The following RBFOX1 variants were observed in gnomAD, a reference collection of about 807,000 sequenced individuals.
RBFOX1 encodes RNA binding protein fox-1 homolog 1.
Under a neutral mutation model 57.7 loss-of-function variants are expected in RBFOX1, and 8 were observed. The observed-to-expected ratio is 0.14, with a 90% confidence interval of 0.08 to 0.25. The LOEUF (loss-of-function observed/expected upper bound fraction) is 0.25, where lower values mean the gene tolerates loss of function less well. Among genes scored for constraint, RBFOX1 ranks in the 10% least tolerant of loss-of-function variants. The pLI, the probability that RBFOX1 is intolerant of heterozygous loss-of-function variation, is 1.00. For missense variants in RBFOX1, 611 were observed against 548.5 expected, an observed-to-expected ratio of 1.11 and a Z score of -1.14; for synonymous variants, 326 against 222.4, an observed-to-expected ratio of 1.47 and a Z score of -4.15.
intron 1 of RBFOX1, among the ~76,000 whole-genome samples, chr16:5,385,226 C>T (rs1159642027): frequency 2.6e-5 from 4 of 152,168 alleles, no homozygotes; most frequent in African/African-American, 9.7e-5. Context: ...AGTGGCAAGG[C>T]CAGGATTAAA....
chr16:6,807,512 C>T (rs1264427954), intron 3 of RBFOX1, among the ~76,000 whole-genome samples: 2 of 151,984 alleles, frequency 1.3e-5, no homozygotes, highest in African/African-American at 2.4e-5. Context: ...TTTGCTTGTC[C>T]TATGATATTA....
intron 3 of RBFOX1, chr16:6,873,767 CTTAA>C (rs765809896): frequency 2.6e-5 from 4 of 152,126 alleles, no homozygotes; most frequent in Non-Finnish European, 5.9e-5. Context: ...TGTTATCTTG[CTTAA>C]TTATTGCAGC....
chr16:7,213,216 C>T (rs969400879), intron 4 of RBFOX1, among the ~76,000 whole-genome samples: 1 of 152,120 alleles, frequency 6.6e-6, no homozygotes, highest in Non-Finnish European at 1.5e-5. Context: ...ATATCTGGGG[C>T]AGAAAAACAA....
chr16:6,749,294 C>T (rs990800918), intron 3 of RBFOX1, among the ~76,000 whole-genome samples: 4 of 152,108 alleles, frequency 2.6e-5, no homozygotes, highest in African/African-American at 9.7e-5. Flanking sequence ...TGACATCAAC[C>T]CAATTAAATG....
intron 2 of RBFOX1, among the ~76,000 whole-genome samples, chr16:6,395,264 T>C (rs1052675278): frequency 6.6e-6 from 1 of 152,218 alleles, no homozygotes; most frequent in Non-Finnish European, 1.5e-5. Flanking sequence ...GTTTTTGTCA[T>C]AGACGTGGTG....
At chr16:6,637,483 T>C (rs1341933426) in intron 2 of RBFOX1, among the ~76,000 whole-genome samples, 4 of 59,820 alleles carry the variant, frequency 6.7e-5, no homozygotes, top group Non-Finnish European at 1.4e-4. Context: ...ATATATAATA[T>C]CCTATATATT....
In RBFOX1 at chr16:7,570,376, T is replaced by G. The variant is rs1433441540; in HGVS notation, c.271-9401T>G. On this transcript the variant is annotated intron_variant, in intron 5 of 15. Coordinates refer to ENST00000550418, the MANE Select transcript of RBFOX1 (RefSeq NM_018723.4). ...TTTCTAATTATCCCCTCTCCCCTAC[T>G]GAGCACAGAACTTCAACATCTCTAA... Among the ~76,000 whole-genome samples the G allele has an allele frequency of 2.6e-5, 4 of 152,326 alleles. No homozygotes were observed. In the East Asian group the frequency reaches 7.7e-4, roughly 29 times the overall value.
At chr16:5,961,223 A>G (rs536326540) in intron 4 of RBFOX1, among the ~76,000 whole-genome samples, 1 of 152,272 alleles carries the variant, frequency 6.6e-6, no homozygotes, top group South Asian at 2.1e-4. Flanking sequence ...TGCTTAATAA[A>G]ATTTGCACCA....
chr16:7,390,180 G>A (rs1487732905), intron 4 of RBFOX1, among the ~76,000 whole-genome samples: 1 of 152,150 alleles, frequency 6.6e-6, no homozygotes, highest in Non-Finnish European at 1.5e-5. Context: ...CAAGGGGGAT[G>A]TTTGCTCCCA....
At chr16:7,665,010 G>A (rs548147552) in intron 13 of RBFOX1, 42 bp downstream of exon 13, 1 of 1,613,746 alleles carries the variant, frequency 6.2e-7, no homozygotes, top group Non-Finnish European at 8.5e-7. Flanking sequence ...GTTTCCTCCT[G>A]GAGTCATTCT....
chr16:6,875,168 C>A (rs150885146), intron 3 of RBFOX1, among the ~76,000 whole-genome samples: 1 of 152,158 alleles, frequency 6.6e-6, no homozygotes, highest in African/African-American at 2.4e-5. Flanking sequence ...AGTGCTTGTG[C>A]ACATAATCAT....
At chr16:5,916,000 A>T (rs1378590809) in intron 4 of RBFOX1, among the ~76,000 whole-genome samples, 3 of 152,154 alleles carry the variant, frequency 2.0e-5, no homozygotes, top group South Asian at 2.1e-4. Context: ...AAGCAGTCTT[A>T]TTTCTCCAGC....
chr16:5,360,139 C>A (rs2065503182), intron 1 of RBFOX1, among the ~76,000 whole-genome samples: 1 of 152,218 alleles, frequency 6.6e-6, no homozygotes. Flanking sequence ...GGATGTTGCT[C>A]CATAGGCTCC....
intron 3 of RBFOX1, among the ~76,000 whole-genome samples, chr16:5,655,533 C>G (rs1465998865): frequency 1.3e-5 from 2 of 152,142 alleles, no homozygotes; most frequent in African/African-American, 4.8e-5. Context: ...GCTTTAAATT[C>G]CTTCCCAGAA....
chr16:6,827,392 G>A (rs1306890748), intron 3 of RBFOX1, among the ~76,000 whole-genome samples: 1 of 152,074 alleles, frequency 6.6e-6, no homozygotes, highest in Non-Finnish European at 1.5e-5. Context: ...CAGCATTATC[G>A]CTGGAGGGGA....
chr16:7,664,340 G>C (rs761482273), intron 12 of RBFOX1, among the ~76,000 whole-genome samples: 1 of 152,098 alleles, frequency 6.6e-6, no homozygotes, highest in African/African-American at 2.4e-5. Context: ...TACTATTAGA[G>C]ATATTCTCCA....
At chr16:5,323,087 T>TG (rs2064458728) in intron 1 of RBFOX1, among the ~76,000 whole-genome samples, 1 of 152,208 alleles carries the variant, frequency 6.6e-6, no homozygotes, top group African/African-American at 2.4e-5. Context: ...CAAAATGCAA[T>TG]GGGAACATCT....
chr16:6,600,495 C>A (rs778116891), intron 2 of RBFOX1, among the ~76,000 whole-genome samples: 110 of 152,296 alleles, frequency 7.2e-4, no homozygotes, highest in Non-Finnish European at 1.4e-3. Context: ...AGTCTCCAAA[C>A]CCTTTATTTG....
chr16:5,256,902 C>T (rs2062603235), intron 1 of RBFOX1, among the ~76,000 whole-genome samples: 1 of 151,892 alleles, frequency 6.6e-6, no homozygotes, highest in African/African-American at 2.4e-5. Flanking sequence ...CCACTGCACT[C>T]CAGCCTGAGT....
Sources: allele counts gnomAD v4.1 joint callset (sites outside exome capture counted in the v4.1 genomes callset), GRCh38; gene constraint gnomAD v4.1.1; transcripts MANE v1.5; gene names NCBI Gene and HGNC (gene_info 2026-07-23, HGNC 2026-07-21).